The following JARID2 variants were observed in gnomAD, a reference collection of about 807,000 sequenced individuals.
JARID2 encodes jumonji and AT-rich interaction domain containing 2.
A neutral mutation model predicts 125.6 loss-of-function variants in JARID2; 21 were observed. The ratio of observed to expected loss-of-function variants is 0.17; its 90% CI spans 0.12 to 0.24. The LOEUF is 0.24. JARID2 is among the 10% of genes least tolerant of loss of function. JARID2 has a pLI of 1.00. For missense variants in JARID2, 1,303 were observed against 1,639.6 expected (o/e 0.79, Z 3.55); for synonymous variants, 736 against 661.6 (o/e 1.11, Z -1.73).
chr6:15,491,741 C>G (rs1770160417), intron 6 of JARID2, among the ~76,000 whole-genome samples: 1 of 152,112 alleles, frequency 6.6e-6, no homozygotes, highest in Non-Finnish European at 1.5e-5. Context: ...TGTCATCATA[C>G]TGAGTTGATT....
chr6:15,273,060 CAGTT>C (rs1486238424), intron 1 of JARID2, among the ~76,000 whole-genome samples: 2 of 152,098 alleles, frequency 1.3e-5, no homozygotes, highest in Admixed American at 6.6e-5. Context: ...ATAGAGAAAG[CAGTT>C]AGGGGATTCA....
At chr6:15,395,604 T>C (rs1445642903) in intron 2 of JARID2, among the ~76,000 whole-genome samples, 1 of 152,032 alleles carries the variant, frequency 6.6e-6, no homozygotes, top group African/African-American at 2.4e-5. Flanking sequence ...TTCTTCGTGT[T>C]GGTCAGACTG....
intron 6 of JARID2, among the ~76,000 whole-genome samples, chr6:15,490,318 G>T (rs1770090556): frequency 1.3e-5 from 2 of 152,154 alleles, no homozygotes; most frequent in Non-Finnish European, 2.9e-5. Context: ...GAAATGTGGA[G>T]GAATGTAATT....
intron 1 of JARID2, among the ~76,000 whole-genome samples, chr6:15,324,043 G>C (rs944619612): frequency 1.3e-5 from 2 of 151,944 alleles, no homozygotes; most frequent in African/African-American, 4.8e-5. Flanking sequence ...TTAGCCGGGC[G>C]TGGTGGCGGG....
chr6:15,319,190 C>T (rs1030761157), intron 1 of JARID2, among the ~76,000 whole-genome samples: 2 of 152,158 alleles, frequency 1.3e-5, no homozygotes, highest in African/African-American at 4.8e-5. Context: ...TATAAGTTAT[C>T]AAAGATTCAT....
intron 3 of JARID2, among the ~76,000 whole-genome samples, chr6:15,429,205 G>A (rs1766867590): frequency 6.6e-6 from 1 of 151,912 alleles, no homozygotes; most frequent in Non-Finnish European, 1.5e-5. Flanking sequence ...GTTTTTGAGT[G>A]TGTAAACAAA....
chr6:15,337,621 G>A (rs957919684), intron 1 of JARID2, among the ~76,000 whole-genome samples: 1 of 152,196 alleles, frequency 6.6e-6, no homozygotes, highest in Non-Finnish European at 1.5e-5. Context: ...AAGACATAAG[G>A]ATTAGGGGGG....
chr6:15,415,242 A>G (rs1766090757), intron 3 of JARID2, among the ~76,000 whole-genome samples: 1 of 152,200 alleles, frequency 6.6e-6, no homozygotes, highest in Non-Finnish European at 1.5e-5. Flanking sequence ...CAACCATCCG[A>G]TCTCTCAATC....
chr6:15,442,630 G>C (rs1053969522), intron 3 of JARID2, among the ~76,000 whole-genome samples: 1 of 152,184 alleles, frequency 6.6e-6, no homozygotes, highest in African/African-American at 2.4e-5. Context: ...TGGGGATGGC[G>C]GCGCAGACAG....
At chr6:15,515,754 A>G (rs925899862) in intron 16 of JARID2, among the ~76,000 whole-genome samples, 2 of 150,666 alleles carry the variant, frequency 1.3e-5, no homozygotes, top group African/African-American at 2.4e-5. Flanking sequence ...GTCTCTTTAA[A>G]AAAAAAAAAC....
chr6:15,404,934 T>C (rs1483869134), intron 2 of JARID2, among the ~76,000 whole-genome samples: 2 of 152,218 alleles, frequency 1.3e-5, no homozygotes, highest in Non-Finnish European at 2.9e-5. Context: ...GTAAAACTTC[T>C]TTGTGTCTAA....
intron 16 of JARID2, among the ~76,000 whole-genome samples, chr6:15,513,830 CA>C (rs1221603403): frequency 6.6e-6 from 1 of 152,264 alleles, no homozygotes; most frequent in Non-Finnish European, 1.5e-5. Context: ...GTGCCTGGTG[CA>C]CCTGGGCCCA....
At chr6:15,383,007 C>T (rs574167641) in intron 2 of JARID2, among the ~76,000 whole-genome samples, 2 of 152,076 alleles carry the variant, frequency 1.3e-5, no homozygotes, top group South Asian at 2.1e-4. Flanking sequence ...GGCTATAGGG[C>T]GGAGGAGGTG....
Position 15,255,809 on chromosome 6 carries a change from C to T in JARID2, c.45+9225C>T, listed in dbSNP as rs1759642121. ...AGTGAATGCTTATTCTGTTAAGCAG[C>T]AGACTTTTGTGCTTTGTGTATATGC... is the stretch of plus-strand genomic sequence containing the variant. On this transcript the variant is annotated intron_variant, in intron 1 of 17. Transcript: ENST00000341776. Among the ~76,000 whole-genome samples, 4 of 152,264 alleles carry T rather than the reference C, an allele frequency of 2.6e-5. No homozygotes were observed. In the South Asian group the frequency reaches 8.3e-4, roughly 32 times the overall value.
intron 1 of JARID2, among the ~76,000 whole-genome samples, chr6:15,309,209 G>A (rs1212528086): frequency 6.6e-6 from 1 of 152,120 alleles, no homozygotes; most frequent in East Asian, 1.9e-4. Context: ...CAGACTCATT[G>A]TTCATCATCT....
rs1413964373 is a variant in JARID2 at position 15,513,346 on chromosome 6, A to G, written c.3374A>G (p.Lys1125Arg). 7 of 1,613,344 alleles carry G rather than the reference A, an allele frequency of 4.3e-6. No individual in the cohort carries two copies. The highest frequency in any genetic ancestry group is 5.9e-6 in the Non-Finnish European group (7 of 1,179,852). ...AGCACGGTGGCGGACGGGAAGAAAA[A>G]GCCTCGAAAGTGGCTGCAGTTGGAG... ...GSSTVADGKK[K>R]PRKWLQLETS... Residue 1125 changes from lysine (K) to arginine (R), a missense_variant, in exon 16 of 18, where the codon AAG (lysine) becomes AGG (arginine). Physicochemically the swap from Lys to Arg is conservative, Grantham distance 26 (BLOSUM62 2). Around this residue, in one of 11 missense-constraint regions of JARID2, gnomAD observed 190 missense variants for 341.4 expected, o/e 0.56. Transcript: ENST00000341776.
intron 1 of JARID2, among the ~76,000 whole-genome samples, chr6:15,371,016 T>C (rs1157612651): frequency 2.0e-5 from 3 of 152,184 alleles, no homozygotes; most frequent in Admixed American, 2.0e-4. Context: ...ACAAAACACT[T>C]GTGTGTTGTG....
intron 1 of JARID2, among the ~76,000 whole-genome samples, chr6:15,368,304 C>G (rs115712111): frequency 8.5e-5 from 13 of 152,180 alleles, no homozygotes; most frequent in African/African-American, 3.1e-4. Context: ...AATTGTATCA[C>G]TGGGAGCTGT....
intron 5 of JARID2, among the ~76,000 whole-genome samples, chr6:15,471,004 T>C (rs980192513): frequency 1.3e-5 from 2 of 152,206 alleles, no homozygotes; most frequent in South Asian, 4.1e-4. Context: ...ATTCCTTTGG[T>C]AGCAGACTAG....
Sources: allele counts gnomAD v4.1 joint callset (sites outside exome capture counted in the v4.1 genomes callset), GRCh38; gene constraint gnomAD v4.1.1; regional missense constraint gnomAD v4.1.1; transcripts MANE v1.5; gene names NCBI Gene and HGNC (gene_info 2026-07-23, HGNC 2026-07-21).